Variants in CD8B observed in about 807,000 individuals in gnomAD.
The protein encoded by CD8B is T-cell surface glycoprotein CD8 beta chain.
Under a neutral mutation model 24.2 loss-of-function variants are expected in CD8B, and 6 were observed. The observed-to-expected ratio is 0.25, with a 90% CI of 0.14 to 0.49. CD8B has a LOEUF of 0.49. Ranked by LOEUF, CD8B falls within the 20% of genes least tolerant of loss-of-function variation. CD8B has a pLI of 0.98. For missense variants in CD8B, 196 were observed against 271.3 expected, an observed-to-expected ratio of 0.72 and a Z score of 1.95; for synonymous variants, 84 against 108.3, an observed-to-expected ratio of 0.78 and a Z score of 1.39.
At chr2:86,834,773 A>G (rs1217263586), downstream of CD8B, among the ~76,000 whole-genome samples, 4 of 151,812 alleles carry the variant, frequency 2.6e-5, no homozygotes, top group South Asian at 8.3e-4. Flanking sequence ...CGTCTCTACT[A>G]AAAAATACAA....
intron 5 of CD8B, chr2:86,822,258 G>T: frequency 6.9e-6 from 6 of 874,932 alleles, no homozygotes; most frequent in African/African-American, 1.7e-5. Context: ...GATGATATCT[G>T]TTTCAGGTAA....
intron 1 of CD8B, among the ~76,000 whole-genome samples, chr2:86,860,401 G>C (rs1266441048): frequency 1.3e-5 from 2 of 152,216 alleles, no homozygotes; most frequent in African/African-American, 4.8e-5. Flanking sequence ...CAGAGCAGAG[G>C]TTTTTCCTTG....
intron 2 of CD8B, among the ~76,000 whole-genome samples, chr2:86,854,349 C>G (rs1676125322): frequency 1.3e-5 from 2 of 152,196 alleles, no homozygotes; most frequent in African/African-American, 4.8e-5. Flanking sequence ...ATGTAGAGTA[C>G]CACACAGGTG....
intron 5 of CD8B, 23 bp downstream of exon 5, chr2:86,844,899 C>A: frequency 6.4e-7 from 1 of 1,557,416 alleles, no homozygotes. Context: ...GAACCCAAGG[C>A]CACACCCAGG....
At chr2:86,822,279 G>T (rs979222675) in intron 5 of CD8B, 5 of 1,125,312 alleles carry the variant, frequency 4.4e-6, no homozygotes, top group South Asian at 1.4e-5. Flanking sequence ...GAGTCATGAT[G>T]ACCTCAGAAA....
At chr2:86,849,094 A>C (rs1352046586) in intron 3 of CD8B, among the ~76,000 whole-genome samples, 1 of 152,254 alleles carries the variant, frequency 6.6e-6, no homozygotes, top group Non-Finnish European at 1.5e-5. Flanking sequence ...TTATATAACC[A>C]AGGTCACCCA....
At chr2:86,845,661 A>G (rs985569768) in intron 4 of CD8B, among the ~76,000 whole-genome samples, 1 of 152,236 alleles carries the variant, frequency 6.6e-6, no homozygotes, top group Non-Finnish European at 1.5e-5. Flanking sequence ...TGCTGCATTT[A>G]CTTTATAATA....
intron 5 of CD8B, chr2:86,833,068 A>G: frequency 2.8e-6 from 1 of 362,098 alleles, no homozygotes. Context: ...GGTCATAGGC[A>G]CAGGAACACA....
intron 5 of CD8B, chr2:86,843,593 G>A: frequency 4.1e-6 from 4 of 983,170 alleles, no homozygotes; most frequent in Non-Finnish European, 4.8e-6. Flanking sequence ...CAACAATGCA[G>A]AGCATATAGT....
chr2:86,822,962 G>T (rs1236604062), intron 5 of CD8B, among the ~76,000 whole-genome samples: 1 of 152,034 alleles, frequency 6.6e-6, no homozygotes, highest in Non-Finnish European at 1.5e-5. Flanking sequence ...TTAAAATTGT[G>T]GCAAAATGTA....
chr2:86,822,050 C>T (rs1415384728), intron 5 of CD8B, among the ~76,000 whole-genome samples: 2 of 152,138 alleles, frequency 1.3e-5, no homozygotes, highest in African/African-American at 4.8e-5. Context: ...ACAGTCCTGC[C>T]CTGACTTGCC....
At chr2:86,845,494 T>C (rs1189739399) in intron 4 of CD8B, among the ~76,000 whole-genome samples, 1 of 152,092 alleles carries the variant, frequency 6.6e-6, no homozygotes, top group Non-Finnish European at 1.5e-5. Flanking sequence ...TGGGGTCTTA[T>C]TATGTTGTCT....
At chr2:86,857,579 G>C (rs1278840925) in intron 2 of CD8B, among the ~76,000 whole-genome samples, 2 of 152,120 alleles carry the variant, frequency 1.3e-5, no homozygotes, top group African/African-American at 2.4e-5. Context: ...AATTAGCCAG[G>C]TGTGGTGGCT....
At chr2:86,826,313 T>G (rs558179064) in intron 5 of CD8B, among the ~76,000 whole-genome samples, 6 of 152,018 alleles carry the variant, frequency 3.9e-5, no homozygotes, top group African/African-American at 1.5e-4. Flanking sequence ...GCCCACGAGC[T>G]CCTCTCAACA....
At chr2:86,847,707 A>G (rs1486094251) in intron 3 of CD8B, among the ~76,000 whole-genome samples, 5 of 152,122 alleles carry the variant, frequency 3.3e-5, no homozygotes, top group Non-Finnish European at 5.9e-5. Context: ...CTGGGATTAC[A>G]GGCGTCCGCC....
At chr2:86,816,236 G>T (rs1181130742) in intron 5 of CD8B, among the ~76,000 whole-genome samples, 1 of 152,164 alleles carries the variant, frequency 6.6e-6, no homozygotes, top group Non-Finnish European at 1.5e-5. Flanking sequence ...AGGTAGGGTG[G>T]CTATTGTCAT....
At chr2:86,820,459 A>G (rs888226102) in intron 5 of CD8B, among the ~76,000 whole-genome samples, 1 of 152,346 alleles carries the variant, frequency 6.6e-6, no homozygotes, top group Middle Eastern at 3.4e-3. Flanking sequence ...TCCATCAGCA[A>G]AGAAATTATG....
At chr2:86,821,657 A>T (rs1225460320) in intron 5 of CD8B, 1 of 368,974 alleles carries the variant, frequency 2.7e-6, no homozygotes, top group Non-Finnish European at 5.9e-6. Flanking sequence ...AGGCAGAGGC[A>T]TTGTTTTTAA....
downstream of CD8B, among the ~76,000 whole-genome samples, chr2:86,836,473 T>C (rs1342080717): frequency 2.6e-5 from 4 of 152,100 alleles, no homozygotes; most frequent in African/African-American, 9.7e-5. Context: ...CCCAAATAGA[T>C]ATATTTGAAC....
Sources: allele counts gnomAD v4.1 joint callset (sites outside exome capture counted in the v4.1 genomes callset), GRCh38; gene constraint gnomAD v4.1.1; transcripts MANE v1.5; gene names NCBI Gene and HGNC (gene_info 2026-07-23, HGNC 2026-07-21).